ASPHD2: variants seen among roughly 807,000 people sequenced by gnomAD.
ASPHD2 encodes the protein aspartate beta-hydroxylase domain-containing protein 2.
A neutral mutation model predicts 34.6 loss-of-function variants in ASPHD2; 12 were observed. The ratio of observed to expected loss-of-function variants is 0.35; its 90% CI spans 0.22 to 0.56. The LOEUF is 0.56. Among genes scored for constraint, ASPHD2 ranks in the 20% least tolerant of loss-of-function variants. ASPHD2 has a pLI of 0.87. For missense variants in ASPHD2, 375 were observed against 505.0 expected (o/e 0.74, Z 2.47); for synonymous variants, 224 against 212.2 (o/e 1.06, Z -0.48).
chr22:26,439,749 A>G (rs1056660431), intron 2 of ASPHD2, among the ~76,000 whole-genome samples: 24 of 152,184 alleles, frequency 1.6e-4, no homozygotes, highest in African/African-American at 5.1e-4. Flanking sequence ...AGGTGAGGGT[A>G]TGGCTCAGAG....
At chr22:26,430,063 G>T (rs959080217) in intron 1 of ASPHD2, among the ~76,000 whole-genome samples, 1 of 152,146 alleles carries the variant, frequency 6.6e-6, no homozygotes, top group Non-Finnish European at 1.5e-5. Context: ...AGGGCAGGTG[G>T]GTGCTGAGAA....
Position 26,434,441 on chromosome 22 carries a change from C to T in ASPHD2, c.826C>T (p.Pro276Ser). The change falls in exon 2 of 4, where the codon CCT becomes TCT. Residue 276 changes from proline (P) to serine (S), a missense_variant. By Grantham distance (74) the Pro-to-Ser change is moderately conservative. This residue lies in a region of ASPHD2 where 142 missense variants were observed against 217.9 expected (regional missense o/e 0.65). Transcript: ENST00000215906. ...GAACGCGTGCATCTCTGTGCTGAGC[C>T]CTGGGACTGTGATAACGGAGCACTA... ...FGNACISVLSPGTVITEHYGP... is the reference protein window; with the variant it reads ...FGNACISVLSSGTVITEHYGP... 1 of 1,613,308 alleles carries T rather than the reference C, an allele frequency of 6.2e-7. No individual in the cohort carries two copies. Among genetic ancestry groups the T allele is most frequent in the Non-Finnish European group, 8.5e-7 (1 of 1,179,434 alleles).
intron 2 of ASPHD2, among the ~76,000 whole-genome samples, chr22:26,435,475 C>T (rs2084785286): frequency 6.6e-6 from 1 of 152,156 alleles, no homozygotes; most frequent in African/African-American, 2.4e-5. Flanking sequence ...TTACAAAGTT[C>T]ACAACGCTGC....
At chr22:26,442,278 A>G (rs1271759322) in intron 2 of ASPHD2, among the ~76,000 whole-genome samples, 181 bp from the exon 3 acceptor site, 4 of 152,152 alleles carry the variant, frequency 2.6e-5, no homozygotes, top group Admixed American at 6.5e-5. Flanking sequence ...AGGTTTCAAC[A>G]TGGGAATTTG....
At chr22:26,435,507 G>C (rs1025649414) in intron 2 of ASPHD2, among the ~76,000 whole-genome samples, 2 of 152,150 alleles carry the variant, frequency 1.3e-5, no homozygotes, top group African/African-American at 4.8e-5. Context: ...TAGGGAGGAA[G>C]GAAGAGCAGC....
Position 26,434,406 on chromosome 22 carries a change from A to G in ASPHD2, c.791A>G (p.Asn264Ser). 1.2e-6 allele frequency: 2 copies of G among 1,614,142 alleles called. No individual in the cohort carries two copies. The highest frequency in any genetic ancestry group is 2.2e-5 in the South Asian group (2 of 91,080). ...AGCCTTCGGACCTGTATTGGGAACA[A>G]TGTTTTTGGGAACGCGTGCATCTCT... is the stretch of plus-strand genomic sequence containing the variant. Reference protein sequence around the residue: ...LGSLRTCIGNNVFGNACISVL... With the variant: ...LGSLRTCIGNSVFGNACISVL... Residue 264 changes from asparagine to serine, a missense_variant, in exon 2 of 4, where the codon AAT becomes AGT. Around this residue, in one of 3 missense-constraint regions of ASPHD2, gnomAD observed 142 missense variants for 217.9 expected, o/e 0.65. Transcript: ENST00000215906.
Position 26,444,176 on chromosome 22 carries a change from A to G in ASPHD2, c.*970A>G, listed in dbSNP as rs1224538913. On this transcript the variant is annotated 3_prime_UTR_variant, in exon 4 of 4. Coordinates refer to ENST00000215906, the MANE Select transcript of ASPHD2 (RefSeq NM_020437.5). ...AAAGCCTTTCTCTGGCAAAACTGGAATAATAGATCTGACCAAAGTTTCTGT... is the reference window on the plus strand; with the variant it reads ...AAAGCCTTTCTCTGGCAAAACTGGAGTAATAGATCTGACCAAAGTTTCTGT... 6.6e-6 allele frequency: 1 copy of G among 151,958 alleles called. No individual in the cohort carries two copies. The highest frequency in any genetic ancestry group is 1.5e-5 in the Non-Finnish European group (1 of 68,012). 9.4% of individuals were successfully genotyped at this position (151,958 alleles called of 1,614,324 possible).
At chr22:26,439,892 G>C (rs1351888484) in intron 2 of ASPHD2, among the ~76,000 whole-genome samples, 1 of 152,176 alleles carries the variant, frequency 6.6e-6, no homozygotes, top group Non-Finnish European at 1.5e-5. Context: ...GTACTTCCTG[G>C]AACCATTATT....
Position 26,433,364 on chromosome 22 carries a change from T to C in ASPHD2, c.-224-28T>C. The C allele has an allele frequency of 2.0e-6, 1 of 494,592 alleles. No homozygotes were observed. The allele number at this position is 494,592 out of a possible 1,614,324, so 30.6% of individuals were successfully genotyped here. A position where few individuals can be genotyped will look rare whatever the true frequency, so the allele number is the denominator to read the frequency against. ...TTGAGGACTTTTCCAGGTGTAAAAT[T>C]TATGCTGATTTTTTTTTTCCATCCC... On this transcript the variant is annotated intron_variant, in intron 1 of 3. Coordinates refer to ENST00000215906, the MANE Select transcript of ASPHD2 (RefSeq NM_020437.5). The surrounding 1 kb of genome is among the most constrained non-coding windows in gnomAD (Gnocchi z 5.1).
chr22:26,434,416 G>A lies in ASPHD2; in HGVS notation c.801G>A (p.Gly267=). Residue 267 remains glycine (G), a synonymous_variant, in exon 2 of 4, where the codon GGG becomes GGA. Coordinates refer to ENST00000215906, the MANE Select transcript of ASPHD2 (RefSeq NM_020437.5). ...LRTCIGNNVF[G]NACISVLSPG... ...CCTGTATTGGGAACAATGTTTTTGG[G>A]AACGCGTGCATCTCTGTGCTGAGCC... 1 of 1,614,160 alleles carries A rather than the reference G, an allele frequency of 6.2e-7. No homozygotes were observed. Among genetic ancestry groups the A allele is most frequent in the Non-Finnish European group, 8.5e-7 (1 of 1,180,004 alleles).
chr22:26,438,694 CAT>C (rs1433394224), intron 2 of ASPHD2, among the ~76,000 whole-genome samples: 14 of 137,764 alleles, frequency 1.0e-4, no homozygotes, highest in South Asian at 9.2e-4. Context: ...CACACACACA[CAT>C]ATATATATAA....
At position 26,434,516 on chromosome 22, in the gene ASPHD2, CAG is replaced by C. The variant is rs1396339330; in HGVS notation, c.886+16_886+17del. 3.9e-6 allele frequency: 6 copies of C among 1,552,876 alleles called. No homozygotes were observed. Among genetic ancestry groups the C allele is most frequent in the Non-Finnish European group, 5.2e-6 (6 of 1,147,332 alleles). ...ATGCCATTTAGGTATGTTGCAAGGA[CAG>C]GGGTCTCCCGGCATGCACATTTGCA... On this transcript the variant is annotated intron_variant, in intron 2 of 3. Transcript: ENST00000215906.
chr22:26,443,185 C>T lies in ASPHD2; in HGVS notation c.1089C>T (p.Phe363=), dbSNP rs1601708915. The change falls in exon 4 of 4, where the codon TTC becomes TTT. Residue 363 remains phenylalanine, a synonymous_variant. Transcript: ENST00000215906. ...CGGCCGAACGGCAGGCTCTTGATTT[C>T]ATCTTTGCTCCGGGACGATGAGAGT... ...VAAAERQALD[F]IFAPGR is the part of the protein sequence containing the mutation. 6.2e-7 allele frequency: 1 copy of T among 1,614,142 alleles called. No homozygotes were observed. The highest frequency in any genetic ancestry group is 8.5e-7 in the Non-Finnish European group (1 of 1,180,000).
At chr22:26,430,566 GTC>G (rs369535566) in intron 1 of ASPHD2, among the ~76,000 whole-genome samples, 1 of 152,234 alleles carries the variant, frequency 6.6e-6, no homozygotes, top group Admixed American at 6.5e-5. Flanking sequence ...GGGGGAGAGA[GTC>G]TCTCCTCTCC....
chr22:26,430,614 G>A (rs2084750932), intron 1 of ASPHD2, among the ~76,000 whole-genome samples: 1 of 152,224 alleles, frequency 6.6e-6, no homozygotes, highest in Non-Finnish European at 1.5e-5. Context: ...CTAGGTAGCT[G>A]TGAGGATCAA....
intron 2 of ASPHD2, 150 bp downstream of exon 2, chr22:26,434,651 T>G (rs1347904566): frequency 4.6e-6 from 4 of 878,194 alleles, no homozygotes; most frequent in Non-Finnish European, 5.1e-6. Flanking sequence ...TGTAAACAAT[T>G]TGACAGCAGA....
intron 1 of ASPHD2, among the ~76,000 whole-genome samples, chr22:26,430,195 G>C (rs1171485558): frequency 6.6e-6 from 1 of 152,208 alleles, no homozygotes; most frequent in Non-Finnish European, 1.5e-5. Context: ...GCTGCTCACT[G>C]GGGGGCTTCC....
chr22:26,442,621 A>AT (rs2084858135), intron 3 of ASPHD2, 49 bp downstream of exon 3: 4 of 1,430,508 alleles, frequency 2.8e-6, no homozygotes, highest in South Asian at 2.6e-5. Context: ...ATAGACTTTT[A>AT]TTTTTTTAGA....
In ASPHD2 at chr22:26,434,414, G is replaced by C; in HGVS notation, c.799G>C (p.Gly267Arg). 6.2e-7 allele frequency: 1 copy of C among 1,614,102 alleles called. No homozygotes were observed. Residue 267 changes from glycine (G) to arginine (R), a missense_variant, in exon 2 of 4, where the codon GGG becomes CGG. By Grantham distance (125) the Gly-to-Arg change is moderately radical (BLOSUM62 -2). Around this residue, in one of 3 missense-constraint regions of ASPHD2, gnomAD observed 142 missense variants for 217.9 expected, o/e 0.65. Transcript: ENST00000215906. Reference protein sequence around the residue: ...LRTCIGNNVFGNACISVLSPG... With the variant: ...LRTCIGNNVFRNACISVLSPG... ...GACCTGTATTGGGAACAATGTTTTT[G>C]GGAACGCGTGCATCTCTGTGCTGAG...
Sources: gnomAD v4.1 joint callset for allele counts (sites outside exome capture counted in the v4.1 genomes callset) on GRCh38, gnomAD v4.1.1 for gene constraint, gnomAD v4.1.1 regional missense constraint, Gnocchi (gnomAD v3.1) non-coding constraint, MANE v1.5 for transcripts, NCBI Gene and HGNC (gene_info 2026-07-23, HGNC 2026-07-21) for gene names.